DOCK3: variants seen among roughly 807,000 people sequenced by gnomAD.
DOCK3 encodes dedicator of cytokinesis 3.
A neutral mutation model predicts 265.6 loss-of-function variants in DOCK3; 60 were observed. The ratio of observed to expected loss-of-function variants is 0.23; its 90% confidence interval spans 0.18 to 0.28. The LOEUF (loss-of-function observed/expected upper bound fraction) is 0.28, where lower values mean the gene tolerates loss of function less well. Ranked by LOEUF, DOCK3 falls within the 10% of genes least tolerant of loss-of-function variation. The pLI is 1.00. For missense variants in DOCK3, 1,981 were observed against 2,594.3 expected (o/e 0.76, Z 5.14); for synonymous variants, 881 against 938.0 (o/e 0.94, Z 1.11).
chr3:50,858,428 A>G (rs1014056229), intron 3 of DOCK3, among the ~76,000 whole-genome samples: 1 of 121,126 alleles, frequency 8.3e-6, no homozygotes, highest in Non-Finnish European at 2.0e-5. Context: ...AAAATATAAT[A>G]ATAATAATAA....
At chr3:50,983,630 G>T (rs1292447486) in intron 5 of DOCK3, among the ~76,000 whole-genome samples, 1 of 152,170 alleles carries the variant, frequency 6.6e-6, no homozygotes, top group Non-Finnish European at 1.5e-5. Flanking sequence ...GAGAGCAGCT[G>T]CCCACTGTGA....
chr3:51,305,191 T>G (rs1351648205), intron 27 of DOCK3, among the ~76,000 whole-genome samples: 2 of 152,228 alleles, frequency 1.3e-5, no homozygotes, highest in East Asian at 3.8e-4. Flanking sequence ...TTGTCTACTA[T>G]TACTTTCCAT....
chr3:51,195,488 C>A (rs2088226659), intron 12 of DOCK3, among the ~76,000 whole-genome samples: 1 of 149,508 alleles, frequency 6.7e-6, no homozygotes, highest in African/African-American at 2.5e-5. Flanking sequence ...GATCTCGGCT[C>A]ACTGCAGCCT....
intron 5 of DOCK3, among the ~76,000 whole-genome samples, chr3:50,965,678 C>T (rs1192272820): frequency 6.6e-6 from 1 of 152,084 alleles, no homozygotes; most frequent in African/African-American, 2.4e-5. Flanking sequence ...AGGAAAACTT[C>T]AGTCTCAAAT....
At chr3:51,172,078 G>C (rs1367779020) in intron 12 of DOCK3, among the ~76,000 whole-genome samples, 1 of 152,064 alleles carries the variant, frequency 6.6e-6, no homozygotes, top group Non-Finnish European at 1.5e-5. Context: ...ATTACAGAGA[G>C]TCCATATTTG....
chr3:51,103,804 G>GA (rs138127530), intron 9 of DOCK3, among the ~76,000 whole-genome samples: 154 of 152,012 alleles, frequency 1.0e-3, no homozygotes, highest in Non-Finnish European at 1.8e-3. Context: ...TGCTCAAGGA[G>GA]AAAAAAAACT....
At chr3:50,745,966 T>G (rs1249686898) in intron 1 of DOCK3, among the ~76,000 whole-genome samples, 1 of 152,190 alleles carries the variant, frequency 6.6e-6, no homozygotes, top group Non-Finnish European at 1.5e-5. Context: ...TGTTGGGTTT[T>G]TGAGAGTTCT....
intron 1 of DOCK3, among the ~76,000 whole-genome samples, chr3:50,692,960 C>T (rs1442078374): frequency 6.6e-6 from 1 of 152,098 alleles, no homozygotes; most frequent in African/African-American, 2.4e-5. Context: ...TCCAGTTTTC[C>T]CAGCACCATT....
At chr3:51,208,996 C>T in intron 13 of DOCK3, 134 bp downstream of exon 13, 1 of 735,986 alleles carries the variant, frequency 1.4e-6, no homozygotes. Flanking sequence ...GCATTTCCTA[C>T]TCATTCTTTT....
chr3:50,698,544 C>CTTTTTTTTTTTTTTTTTTTTTTTTT (rs1454188096), intron 1 of DOCK3, among the ~76,000 whole-genome samples: 2 of 8,380 alleles, frequency 2.4e-4, no homozygotes, highest in South Asian at 3.8e-3. Flanking sequence ...TTTTTTTTTG[C>CTTTTTTTTTTTTTTTTTTTTTTTTT]TATATACCCA....
chr3:51,248,955 G>T (rs1286153155), intron 22 of DOCK3, among the ~76,000 whole-genome samples: 3 of 145,440 alleles, frequency 2.1e-5, no homozygotes, highest in Admixed American at 6.9e-5. Context: ...CCCTCCGCCC[G>T]GCAGCCGCCC....
chr3:50,951,555 A>G (rs1191780661), intron 5 of DOCK3, among the ~76,000 whole-genome samples: 2 of 152,202 alleles, frequency 1.3e-5, no homozygotes, highest in African/African-American at 4.8e-5. Context: ...TTTGGTCCTG[A>G]TTCATCTACA....
At chr3:51,291,301 A>G (rs946416098) in intron 27 of DOCK3, among the ~76,000 whole-genome samples, 10 of 152,140 alleles carry the variant, frequency 6.6e-5, no homozygotes, top group Non-Finnish European at 1.3e-4. Flanking sequence ...AAGAAATATC[A>G]GAGTAGAAGT....
Position 50,841,720 on chromosome 3 carries a change from TGA to T in DOCK3, c.162+6_162+7del. On this transcript the variant is annotated splice_donor_region_variant and intron_variant, in intron 3 of 52. Coordinates refer to ENST00000266037, the MANE Select transcript of DOCK3 (RefSeq NM_004947.5). ...ACAAAGAAGCCAAATGTGAAGGTAA[TGA>T]AAAGTTTATTGTTACCTTTTCTAAT... is the stretch of plus-strand genomic sequence containing the variant. 1.9e-6 allele frequency: 2 copies of T among 1,048,342 alleles called. No homozygotes were observed. The highest frequency in any genetic ancestry group is 2.5e-6 in the Non-Finnish European group (2 of 807,172). The allele number at this position is 1,048,342 out of a possible 1,614,324, so 64.9% of individuals were successfully genotyped here.
intron 5 of DOCK3, among the ~76,000 whole-genome samples, chr3:51,031,080 A>G (rs565489305): frequency 6.6e-6 from 1 of 152,304 alleles, no homozygotes; most frequent in South Asian, 2.1e-4. Flanking sequence ...GCGGCTGGAA[A>G]CTATCATCAC....
chr3:51,296,207 G>GA (rs1219877867), intron 27 of DOCK3, among the ~76,000 whole-genome samples: 5 of 152,080 alleles, frequency 3.3e-5, no homozygotes, highest in South Asian at 2.1e-4. Context: ...CTGAAATTAA[G>GA]AAAAAATCCC....
intron 4 of DOCK3, among the ~76,000 whole-genome samples, chr3:50,906,642 G>C (rs994262354): frequency 4.6e-5 from 7 of 151,750 alleles, no homozygotes; most frequent in African/African-American, 1.7e-4. Context: ...CATCTATTTG[G>C]TTATTCTCTC....
At chr3:51,084,823 A>G (rs1426666396) in intron 7 of DOCK3, among the ~76,000 whole-genome samples, 1 of 152,236 alleles carries the variant, frequency 6.6e-6, no homozygotes, top group East Asian at 1.9e-4. Context: ...GTGAGTCCTT[A>G]CCTGTTACTA....
chr3:50,918,468 A>G (rs972469352), intron 4 of DOCK3, among the ~76,000 whole-genome samples: 5 of 152,048 alleles, frequency 3.3e-5, no homozygotes, highest in Non-Finnish European at 7.4e-5. Flanking sequence ...GGTGTGAGAT[A>G]GTATCTCATT....
Sources: allele counts gnomAD v4.1 joint callset (sites outside exome capture counted in the v4.1 genomes callset), GRCh38; gene constraint gnomAD v4.1.1; transcripts MANE v1.5; gene names NCBI Gene and HGNC (gene_info 2026-07-23, HGNC 2026-07-21).